TRIM55: variants seen among roughly 807,000 people sequenced by gnomAD.
TRIM55 encodes tripartite motif containing 55.
In TRIM55, 50 loss-of-function variants were observed where a neutral mutation model predicts 60.9. That is an observed-to-expected ratio of 0.82 (90% CI 0.65 to 1.04). The LOEUF (loss-of-function observed/expected upper bound fraction) is 1.04. Ranked by LOEUF, TRIM55 falls within the 50% of genes least tolerant of loss-of-function variation. The pLI, the probability that TRIM55 is intolerant of heterozygous loss-of-function variation, is 0.00. For missense variants in TRIM55, 681 were observed against 666.9 expected (o/e 1.02, Z -0.23); for synonymous variants, 237 against 238.1 (o/e 1.00, Z 0.04).
chr8:66,174,435 T>G (rs1480183980), intron 9 of TRIM55, 36 bp from the exon 10 acceptor site: 3 of 1,601,572 alleles, frequency 1.9e-6, no homozygotes, highest in African/African-American at 2.7e-5. Context: ...AGAACAAACC[T>G]CTTTTTTCTC....
intron 9 of TRIM55, among the ~76,000 whole-genome samples, chr8:66,166,169 G>A (rs1478070867): frequency 2.0e-5 from 3 of 152,146 alleles, no homozygotes; most frequent in East Asian, 3.9e-4. Flanking sequence ...GGATCAAATG[G>A]CATCCTAAGT....
intron 9 of TRIM55, among the ~76,000 whole-genome samples, chr8:66,160,789 G>C (rs1355032680): frequency 1.3e-5 from 2 of 150,950 alleles, no homozygotes; most frequent in African/African-American, 4.9e-5. Flanking sequence ...GCATTTTTCT[G>C]TACGCTTGTT....
chr8:66,126,665 G>T (rs570627885), upstream of TRIM55, among the ~76,000 whole-genome samples: 1 of 152,264 alleles, frequency 6.6e-6, no homozygotes, highest in South Asian at 2.1e-4. Flanking sequence ...TTTGATGATT[G>T]CCTTTGTGAA....
rs1811863493 is a variant in TRIM55 at position 66,175,389 on chromosome 8, T to C, written c.*796T>C. 1 of 152,204 alleles carries C rather than the reference T, an allele frequency of 6.6e-6. No individual in the cohort carries two copies. Among genetic ancestry groups the C allele is most frequent in the African/African-American group, 2.4e-5 (1 of 41,446 alleles). 9.4% of individuals were successfully genotyped at this position (152,204 alleles called of 1,614,324 possible). On this transcript the variant is annotated 3_prime_UTR_variant, in exon 10 of 10. Transcript: ENST00000315962. ...ATCACACATTAAATATATATATATTTAAATCATGCTTTGTTAATATTTGTC... is the reference window on the plus strand; with the variant it reads ...ATCACACATTAAATATATATATATTCAAATCATGCTTTGTTAATATTTGTC...
At chr8:66,164,776 C>T (rs930254549) in intron 9 of TRIM55, among the ~76,000 whole-genome samples, 1 of 152,180 alleles carries the variant, frequency 6.6e-6, no homozygotes, top group Non-Finnish European at 1.5e-5. Context: ...CAAGGAAAAC[C>T]AGCCTGCAGT....
At chr8:66,172,977 T>G (rs189936441) in intron 9 of TRIM55, among the ~76,000 whole-genome samples, 44 of 152,296 alleles carry the variant, frequency 2.9e-4, no homozygotes, top group African/African-American at 1.1e-3. Flanking sequence ...TGTTTTTTGT[T>G]TGTTTGTTTA....
chr8:66,144,639 C>T (rs1810006993), intron 4 of TRIM55, among the ~76,000 whole-genome samples: 1 of 152,140 alleles, frequency 6.6e-6, no homozygotes, highest in East Asian at 1.9e-4. Context: ...AAGATAAACT[C>T]GAAAGCTCAA....
chr8:66,135,237 C>G (rs1055660129), intron 3 of TRIM55, 82 bp downstream of exon 3: 14 of 1,505,314 alleles, frequency 9.3e-6, no homozygotes, highest in Non-Finnish European at 8.3e-6. Context: ...GTGAGTGGCT[C>G]CCTGCGGTGG....
intron 9 of TRIM55, among the ~76,000 whole-genome samples, chr8:66,168,471 C>A (rs1811444895): frequency 6.6e-6 from 1 of 152,226 alleles, no homozygotes; most frequent in South Asian, 2.1e-4. Flanking sequence ...AGCATTCCTA[C>A]TCACACCTGC....
At chr8:66,160,092 G>A (rs1310260792) in intron 9 of TRIM55, among the ~76,000 whole-genome samples, 1 of 151,912 alleles carries the variant, frequency 6.6e-6, no homozygotes, top group Non-Finnish European at 1.5e-5. Flanking sequence ...AGATTTTGGT[G>A]CACCCAAGCA....
At chr8:66,114,807 G>C in the TRIM55 span, 10 of 339,304 alleles carry the variant, frequency 2.9e-5, no homozygotes, top group Admixed American at 2.3e-4. Context: ...CTGGACACAG[G>C]GGCTGCCGTT....
intron 9 of TRIM55, among the ~76,000 whole-genome samples, chr8:66,166,803 T>G (rs926480214): frequency 6.6e-6 from 1 of 152,180 alleles, no homozygotes; most frequent in Non-Finnish European, 1.5e-5. Context: ...AAGTGGGGCA[T>G]GCAGTGTAAT....
the TRIM55 span, among the ~76,000 whole-genome samples, chr8:66,119,806 A>G: frequency 6.6e-6 from 1 of 152,176 alleles, no homozygotes; most frequent in Non-Finnish European, 1.5e-5. Context: ...ACCACTATCC[A>G]CATGTGGACA....
At chr8:66,129,753 A>G (rs915700356) in intron 2 of TRIM55, among the ~76,000 whole-genome samples, 1 of 152,242 alleles carries the variant, frequency 6.6e-6, no homozygotes, top group Non-Finnish European at 1.5e-5. Context: ...CCAATTAATT[A>G]TGAGATTGAT....
At position 66,152,665 on chromosome 8, in the gene TRIM55, G is replaced by A. The variant is rs753496527; in HGVS notation, c.1236+38G>A. ...GAGTCTCTTTCTACAGGGCACATGG[G>A]CGTGTCTCCTTATGGAATAGCCTAA... On this transcript the variant is annotated intron_variant, in intron 8 of 9. Coordinates refer to ENST00000315962, the MANE Select transcript of TRIM55 (RefSeq NM_184085.2). 12 of 1,591,894 alleles carry A rather than the reference G, an allele frequency of 7.5e-6. No homozygotes were observed. The East Asian group carries it at 9.0e-5, about 12-fold the overall frequency.
chr8:66,152,609 G>A lies in TRIM55; in HGVS notation c.1218G>A (p.Ala406=), dbSNP rs773625033. The change falls in exon 8 of 10, where the codon GCG becomes GCA. Residue 406 remains alanine (A), a synonymous_variant. Coordinates refer to ENST00000315962, the MANE Select transcript of TRIM55 (RefSeq NM_184085.2). ...PEPPPALPPA[A]DAPVTQGEVV... Reference sequence around the variant, plus strand: ...CACCTCCAGCCCTGCCACCTGCTGCGGATGCCCCTGTGACACAGGTAACCC... The same window carrying A: ...CACCTCCAGCCCTGCCACCTGCTGCAGATGCCCCTGTGACACAGGTAACCC... The A allele has an allele frequency of 2.5e-5, 41 of 1,613,834 alleles. No homozygotes were observed. The highest frequency in any genetic ancestry group is 2.3e-4 in the African/African-American group (17 of 74,862).
chr8:66,150,429 A>G lies in TRIM55; in HGVS notation c.948A>G (p.Arg316=). Residue 316 remains arginine, a synonymous_variant, in exon 7 of 10, where the codon AGA becomes AGG. Transcript: ENST00000315962. The part of the protein sequence containing the change: ...NMNHFTVNLN[R]EEKIIREIDF... ...ACCACTTCACAGTCAACCTCAATAG[A>G]GAAGAAAAGATAATACGTGAAATTG... The G allele has an allele frequency of 6.2e-7, 1 of 1,614,180 alleles. No individual in the cohort carries two copies. The highest frequency in any genetic ancestry group is 8.5e-7 in the Non-Finnish European group (1 of 1,180,034).
In TRIM55 at chr8:66,127,250, A is replaced by C. The variant is rs769676314; in HGVS notation, c.-19A>C. On this transcript the variant is annotated 5_prime_UTR_variant, in exon 1 of 10. Transcript: ENST00000315962. Reference sequence around the variant, plus strand: ...TCGCAGCACCCTTCCCTGGCAGCACACTTGGGGACAGCGAGGAGATGAGCG... The same window carrying C: ...TCGCAGCACCCTTCCCTGGCAGCACCCTTGGGGACAGCGAGGAGATGAGCG... 2.5e-6 allele frequency: 4 copies of C among 1,609,882 alleles called. No individual in the cohort carries two copies. In the Admixed American group the frequency reaches 5.0e-5, roughly 20 times the overall value.
At chr8:66,130,817 C>T (rs915188746) in intron 2 of TRIM55, among the ~76,000 whole-genome samples, 3 of 151,910 alleles carry the variant, frequency 2.0e-5, no homozygotes, top group African/African-American at 7.3e-5. Context: ...CCTGCCACCA[C>T]GCCCAGCTAA....
Sources: gnomAD v4.1 joint callset for allele counts (sites outside exome capture counted in the v4.1 genomes callset) on GRCh38, gnomAD v4.1.1 for gene constraint, MANE v1.5 for transcripts, NCBI Gene and HGNC (gene_info 2026-07-23, HGNC 2026-07-21) for gene names.